Variants in RCCD1 observed in about 807,000 individuals in gnomAD.
The protein encoded by RCCD1 is RCC1 domain-containing protein 1.
Under a neutral mutation model 37.6 loss-of-function variants are expected in RCCD1, and 40 were observed. The observed-to-expected ratio is 1.06, with a 90% CI of 0.83 to 1.39. The LOEUF (loss-of-function observed/expected upper bound fraction) is 1.39. Ranked by LOEUF, RCCD1 falls within the 40% of genes most tolerant of loss-of-function variation. The pLI is 0.00. For missense variants in RCCD1, 577 were observed against 517.3 expected, an observed-to-expected ratio of 1.12 and a Z score of -1.12; for synonymous variants, 263 against 230.0, an observed-to-expected ratio of 1.14 and a Z score of -1.30.
intron 6 of RCCD1, 180 bp downstream of exon 6, chr15:90,960,678 A>C (rs1596255012): frequency 1.6e-6 from 1 of 643,074 alleles, no homozygotes; most frequent in East Asian, 2.7e-5. Context: ...TGTCAGGCCC[A>C]GAAGTTTCTT....
chr15:90,958,824 C>T lies in RCCD1; in HGVS notation c.680-1076C>T, dbSNP rs575334719. Among the ~76,000 whole-genome samples, 52 of 150,748 alleles carry T rather than the reference C, an allele frequency of 3.4e-4. No homozygotes were observed. In the East Asian group the frequency reaches 7.2e-3, roughly 21 times the overall value. ...GCTCGTGCCTGTGGTCCCAGCTACT[C>T]GGGAGGCTGAGGCTGGAGGATCACT... On this transcript the variant is annotated intron_variant, in intron 4 of 7. Transcript: ENST00000394258.
intron 1 of RCCD1, chr15:90,955,197 C>A (rs1035455360): frequency 6.6e-6 from 1 of 152,294 alleles, no homozygotes; most frequent in African/African-American, 2.4e-5. Context: ...GCGTAGGCCT[C>A]GGGACCGGAG....
At position 90,959,990 on chromosome 15, in the gene RCCD1, C is replaced by T. The variant is rs758327549; in HGVS notation, c.770C>T (p.Ala257Val). 1 of 1,612,440 alleles carries T rather than the reference C, an allele frequency of 6.2e-7. No individual in the cohort carries two copies. Among genetic ancestry groups the T allele is most frequent in the Non-Finnish European group, 8.5e-7 (1 of 1,179,258 alleles). Residue 257 changes from alanine to valine, a missense_variant, in exon 5 of 8, where the codon GCA (alanine) becomes GTA (valine). Physicochemically the swap from Ala to Val is moderately conservative, Grantham distance 64. Transcript: ENST00000394258. ...RNLAEDGETV[A>V]REATELNEDG... ...CTGGCAGAGGATGGAGAGACTGTCG[C>T]AAGGGAAGGTGAGGGTCATCTCGGC...
rs775930610 is a variant in RCCD1 at position 90,957,280 on chromosome 15, G to T, written c.334G>T (p.Ala112Ser). The T allele has an allele frequency of 2.0e-6, 3 of 1,517,752 alleles. No homozygotes were observed. Among genetic ancestry groups the T allele is most frequent in the Admixed American group, 4.2e-5 (2 of 47,428 alleles). The allele number at this position is 1,517,752 out of a possible 1,614,324, so 94.0% of individuals were successfully genotyped here. A position where few individuals can be genotyped will look rare whatever the true frequency, so the allele number is the denominator to read the frequency against. The change falls in exon 3 of 8, where the codon GCC (alanine) becomes TCC (serine). Residue 112 changes from alanine (A) to serine (S), a missense_variant. By Grantham distance (99) the Ala-to-Ser change is moderately conservative (BLOSUM62 1). Coordinates refer to ENST00000394258, the MANE Select transcript of RCCD1 (RefSeq NM_001017919.2). ...GGCGCTGCGTGGGGAGCCATTGTGGGCCCAGAATGTGGTGCCCGAGGCCGA... is the reference window on the plus strand; with the variant it reads ...GGCGCTGCGTGGGGAGCCATTGTGGTCCCAGAATGTGGTGCCCGAGGCCGA... ...ESALRGEPLW[A>S]QNVVPEAEGE...
Position 90,959,984 on chromosome 15 carries a change from C to G in RCCD1, c.764C>G (p.Thr255Ser). The G allele has an allele frequency of 1.2e-6, 2 of 1,613,026 alleles. No individual in the cohort carries two copies. The highest frequency in any genetic ancestry group is 4.5e-5 in the East Asian group (2 of 44,854). ...AGGAACCTGGCAGAGGATGGAGAGA[C>G]TGTCGCAAGGGAAGGTGAGGGTCAT... Reference protein sequence around the residue: ...PTRNLAEDGETVAREATELNE... With the variant: ...PTRNLAEDGESVAREATELNE... The change falls in exon 5 of 8, where the codon ACT becomes AGT. Residue 255 changes from threonine (T) to serine (S), a missense_variant. By Grantham distance (58) the Thr-to-Ser change is moderately conservative (BLOSUM62 1). Transcript: ENST00000394258.
intron 4 of RCCD1, 108 bp from the exon 5 acceptor site, chr15:90,959,792 G>A: frequency 1.2e-6 from 1 of 836,422 alleles, no homozygotes. Context: ...GCTACCTTGG[G>A]CAGGGCAGGC....
At chr15:90,960,893 A>G (rs975289709) in intron 6 of RCCD1, 132 bp from the exon 7 acceptor site, 4 of 870,326 alleles carry the variant, frequency 4.6e-6, no homozygotes, top group Admixed American at 1.9e-5. Context: ...TGTTAAGAGA[A>G]TATGTTGTTC....
At chr15:90,959,584 C>G (rs1177569762) in intron 4 of RCCD1, among the ~76,000 whole-genome samples, 1 of 152,204 alleles carries the variant, frequency 6.6e-6, no homozygotes, top group Non-Finnish European at 1.5e-5. Context: ...ATGCACCTGG[C>G]CCTGGCCCAG....
At position 90,957,686 on chromosome 15, in the gene RCCD1, G is replaced by A; in HGVS notation, c.640G>A (p.Glu214Lys). 6.2e-7 allele frequency: 1 copy of A among 1,613,644 alleles called. No individual in the cohort carries two copies. The highest frequency in any genetic ancestry group is 8.5e-7 in the Non-Finnish European group (1 of 1,179,782). ...GGCGTTGCAGGGCCTAGTCATGGCT[G>A]AGGTGGCCGCGGGGGGCTGGCATTC... ...LEALQGLVMA[E>K]VAAGGWHSVC... Residue 214 changes from glutamate to lysine, a missense_variant, in exon 4 of 8, where the codon GAG (glutamate) becomes AAG (lysine). Physicochemically the swap from Glu to Lys is moderately conservative, Grantham distance 56. Coordinates refer to ENST00000394258, the MANE Select transcript of RCCD1 (RefSeq NM_001017919.2).
Position 90,961,851 on chromosome 15 carries a change from C to G in RCCD1, c.*82C>G. ...AACCATTGCCTGCACCCCAAGGGCC[C>G]CATATTTGCCCCTCCCCATCACAGT... On this transcript the variant is annotated 3_prime_UTR_variant, in exon 8 of 8. Coordinates refer to ENST00000394258, the MANE Select transcript of RCCD1 (RefSeq NM_001017919.2). 7.1e-7 allele frequency: 1 copy of G among 1,410,196 alleles called. No homozygotes were observed. Among genetic ancestry groups the G allele is most frequent in the Non-Finnish European group, 9.7e-7 (1 of 1,028,536 alleles). The allele number at this position is 1,410,196 out of a possible 1,614,324, so 87.4% of individuals were successfully genotyped here.
chr15:90,956,675 C>T lies in RCCD1; in HGVS notation c.-60C>T, dbSNP rs1168368164. 1.6e-6 allele frequency: 2 copies of T among 1,235,976 alleles called. No individual in the cohort carries two copies. The highest frequency in any genetic ancestry group is 2.0e-6 in the Non-Finnish European group (2 of 988,546). The allele number at this position is 1,235,976 out of a possible 1,614,324, so 76.6% of individuals were successfully genotyped here. A position where few individuals can be genotyped will look rare whatever the true frequency, so the allele number is the denominator to read the frequency against. ...CAGTGTCCCACTAGCGGGCTCTTCG[C>T]AAGAATCCCCCCGGGCCCGCCGCAG... On this transcript the variant is annotated 5_prime_UTR_variant, in exon 2 of 8. Coordinates refer to ENST00000394258, the MANE Select transcript of RCCD1 (RefSeq NM_001017919.2).
At chr15:90,959,824 A>T (rs1212286038) in intron 4 of RCCD1, 76 bp from the exon 5 acceptor site, 2 of 1,143,264 alleles carry the variant, frequency 1.7e-6, no homozygotes, top group Non-Finnish European at 2.6e-6. Context: ...CCAGGAGCGG[A>T]TGCGATGGGG....
At chr15:90,960,950 T>C (rs2037302593) in intron 6 of RCCD1, 75 bp from the exon 7 acceptor site, 3 of 1,375,024 alleles carry the variant, frequency 2.2e-6, no homozygotes, top group Non-Finnish European at 3.1e-6. Flanking sequence ...AGCTGTGGGC[T>C]GTGCCAAGCT....
rs975246447 is a variant in RCCD1, at chr15:90,961,952, C to T, written c.*183C>T. ...CACCTGGAGAGCATTGAAAACTCTG[C>T]TGCCTAAGGTCAGCATCAATCAAAA... On this transcript the variant is annotated 3_prime_UTR_variant, in exon 8 of 8. Transcript: ENST00000394258. 1 of 479,828 alleles carries T rather than the reference C, an allele frequency of 2.1e-6. No individual in the cohort carries two copies. The highest frequency in any genetic ancestry group is 3.7e-6 in the Non-Finnish European group (1 of 272,500). The allele number at this position is 479,828 out of a possible 1,614,324, so 29.7% of individuals were successfully genotyped here.
chr15:90,956,549 G>C (rs1043073062), intron 1 of RCCD1, 63 bp from the exon 2 acceptor site: 26 of 510,174 alleles, frequency 5.1e-5, no homozygotes, highest in Admixed American at 3.1e-4. Flanking sequence ...CCTGCTCAGC[G>C]AACCTTCGTG....
At chr15:90,960,211 C>T in intron 5 of RCCD1, 117 bp from the exon 6 acceptor site, 2 of 1,141,792 alleles carry the variant, frequency 1.8e-6, no homozygotes, top group East Asian at 2.4e-5. Context: ...GTTGGGAGCA[C>T]CAGCTTTGGA....
intron 1 of RCCD1, chr15:90,955,358 C>A (rs1201174041): frequency 6.6e-6 from 1 of 152,264 alleles, no homozygotes; most frequent in Non-Finnish European, 1.5e-5. Flanking sequence ...GGAGGCCTTT[C>A]CGGAGGCGGC....
Position 90,957,257 on chromosome 15 carries a change from C to T in RCCD1, c.311C>T (p.Ala104Val), listed in dbSNP as rs1479742984. 13 of 1,485,046 alleles carry T rather than the reference C, an allele frequency of 8.8e-6. No homozygotes were observed. In the South Asian group the frequency reaches 1.7e-4, roughly 20 times the overall value. 92.0% of individuals were successfully genotyped at this position (1,485,046 alleles called of 1,614,324 possible). ...ALLQVWAAESALRGEPLWAQN... is the reference protein window; with the variant it reads ...ALLQVWAAESVLRGEPLWAQN... ...CTGCAGGTCTGGGCGGCCGAATCGGCGCTGCGTGGGGAGCCATTGTGGGCC... is the reference window on the plus strand; with the variant it reads ...CTGCAGGTCTGGGCGGCCGAATCGGTGCTGCGTGGGGAGCCATTGTGGGCC... The change falls in exon 3 of 8, where the codon GCG becomes GTG. Residue 104 changes from alanine (A) to valine (V), a missense_variant. Coordinates refer to ENST00000394258, the MANE Select transcript of RCCD1 (RefSeq NM_001017919.2).
chr15:90,961,463 G>A, intron 7 of RCCD1, 155 bp from the exon 8 acceptor site: 1 of 822,498 alleles, frequency 1.2e-6, no homozygotes, highest in South Asian at 1.9e-5. Flanking sequence ...AGCCTCTTGG[G>A]GATCCCCAAG....
Sources: allele counts gnomAD v4.1 joint callset (sites outside exome capture counted in the v4.1 genomes callset), GRCh38; gene constraint gnomAD v4.1.1; transcripts MANE v1.5; gene names NCBI Gene and HGNC (gene_info 2026-07-23, HGNC 2026-07-21).